The following BABAM2 variants were observed in gnomAD, a reference collection of about 807,000 sequenced individuals.
BABAM2 encodes BRISC and BRCA1 A complex member 2, also known as BRISC and BRCA1-A complex member 2.
A neutral mutation model predicts 54.7 loss-of-function variants in BABAM2; 31 were observed. The ratio of observed to expected loss-of-function variants is 0.57; its 90% CI spans 0.43 to 0.77. BABAM2 has a LOEUF of 0.77. Ranked by LOEUF, BABAM2 falls within the 30% of genes least tolerant of loss-of-function variation. BABAM2 has a pLI of 0.00. For synonymous variants in BABAM2, 167 were observed against 162.9 expected (o/e 1.03, Z -0.19); for missense variants, 364 against 455.8 (o/e 0.80, Z 1.83).
At chr2:27,977,767 T>C (rs535562790) in intron 3 of BABAM2, among the ~76,000 whole-genome samples, 6 of 151,966 alleles carry the variant, frequency 3.9e-5, no homozygotes, top group Non-Finnish European at 8.8e-5. Context: ...ATGAAGGAAA[T>C]TGAAACAAGT....
chr2:28,171,893 G>A (rs1282251628), intron 7 of BABAM2, among the ~76,000 whole-genome samples: 2 of 152,072 alleles, frequency 1.3e-5, no homozygotes, highest in Non-Finnish European at 2.9e-5. Context: ...CTTCCCCTCA[G>A]CTTAGAAGCA....
intron 11 of BABAM2, among the ~76,000 whole-genome samples, chr2:28,315,760 A>G (rs1689503049): frequency 6.6e-6 from 1 of 151,888 alleles, no homozygotes; most frequent in Non-Finnish European, 1.5e-5. Context: ...CACAAAGTGC[A>G]GGGATTACAG....
At chr2:28,234,564 C>T (rs138257274) in intron 7 of BABAM2, among the ~76,000 whole-genome samples, 1 of 152,302 alleles carries the variant, frequency 6.6e-6, no homozygotes, top group Non-Finnish European at 1.5e-5. Context: ...AAGCCTATTA[C>T]TGTCAACTCC....
intron 6 of BABAM2, among the ~76,000 whole-genome samples, chr2:28,096,267 A>G (rs3863): frequency 0.31 from 47,663 of 151,936 alleles, 7,873 homozygotes; most frequent in South Asian, 0.52. Context: ...CCATTGTTTT[A>G]AAAAGTGAAT....
chr2:28,226,571 G>A (rs1680909116), intron 7 of BABAM2, among the ~76,000 whole-genome samples: 1 of 152,136 alleles, frequency 6.6e-6, no homozygotes, highest in African/African-American at 2.4e-5. Context: ...CGTGTAGAAT[G>A]TCTTATGCCA....
intron 4 of BABAM2, among the ~76,000 whole-genome samples, chr2:27,990,055 C>T (rs1672670822): frequency 6.6e-6 from 1 of 152,020 alleles, no homozygotes; most frequent in East Asian, 1.9e-4. Context: ...AAAAGAATAG[C>T]CGAAAAAATC....
At position 27,933,764 on chromosome 2, in the gene BABAM2, G is replaced by GTT. The variant is rs59022185; in HGVS notation, c.205+3878_205+3879dup. ...AGGCGTGAGCCACTATGCCTGGCTTGTTTTTTTTTTTTTTTTTTTTTTTGA... is the reference window on the plus strand; with the variant it reads ...AGGCGTGAGCCACTATGCCTGGCTTGTTTTTTTTTTTTTTTTTTTTTTTTTGA... On this transcript the variant is annotated intron_variant, in intron 3 of 11. Coordinates refer to ENST00000379624, the MANE Select transcript of BABAM2 (RefSeq NM_199191.3). Among the ~76,000 whole-genome samples, 982 of 110,562 alleles carry GTT rather than the reference G, an allele frequency of 8.9e-3. 3 individuals carry two copies. The highest frequency in any genetic ancestry group is 0.011 in the African/African-American group (308 of 27,052). The allele number at this position is 110,562 out of a possible 152,430, so 72.5% of individuals were successfully genotyped here. A position where few individuals can be genotyped will look rare whatever the true frequency, so the allele number is the denominator to read the frequency against.
At chr2:27,922,414 G>A (rs1263917743) in intron 2 of BABAM2, among the ~76,000 whole-genome samples, 3 of 152,180 alleles carry the variant, frequency 2.0e-5, no homozygotes, top group African/African-American at 4.8e-5. Context: ...GAGAATGTGC[G>A]AAGGTTCTTA....
intron 3 of BABAM2, among the ~76,000 whole-genome samples, chr2:27,944,506 C>G (rs1669151426): frequency 6.6e-6 from 1 of 152,106 alleles, no homozygotes; most frequent in African/African-American, 2.4e-5. Context: ...GGTATATGGC[C>G]TCTTTCAGTC....
chr2:28,256,008 A>T (rs1683943928), intron 10 of BABAM2, among the ~76,000 whole-genome samples: 2 of 152,092 alleles, frequency 1.3e-5, no homozygotes, highest in Admixed American at 1.3e-4. Flanking sequence ...TGTGCCAAAG[A>T]TTCCTTTGGT....
chr2:27,988,470 T>C (rs1672557955), intron 4 of BABAM2, among the ~76,000 whole-genome samples: 1 of 152,206 alleles, frequency 6.6e-6, no homozygotes, highest in South Asian at 2.1e-4. Flanking sequence ...TTCTTGGCTC[T>C]TCAAGGAGCC....
chr2:28,151,966 A>G (rs1672093292), intron 7 of BABAM2, among the ~76,000 whole-genome samples: 1 of 152,166 alleles, frequency 6.6e-6, no homozygotes, highest in Non-Finnish European at 1.5e-5. Context: ...TGACAACTGG[A>G]TTATTTACAT....
intron 7 of BABAM2, among the ~76,000 whole-genome samples, chr2:28,156,714 A>G (rs1046152607): frequency 6.6e-6 from 1 of 152,176 alleles, no homozygotes; most frequent in African/African-American, 2.4e-5. Flanking sequence ...TCTACTCTCA[A>G]TGAAGCAGAC....
chr2:27,970,167 T>G (rs1054533135), intron 3 of BABAM2, among the ~76,000 whole-genome samples: 1 of 152,216 alleles, frequency 6.6e-6, no homozygotes, highest in African/African-American at 2.4e-5. Flanking sequence ...TAGAGTTTTA[T>G]TGTCTAATTC....
At chr2:28,101,652 G>A (rs1427979060) in intron 6 of BABAM2, among the ~76,000 whole-genome samples, 1 of 152,112 alleles carries the variant, frequency 6.6e-6, no homozygotes, top group Non-Finnish European at 1.5e-5. Flanking sequence ...CCATACAGTT[G>A]TGTTGATTTT....
upstream of BABAM2, chr2:27,890,511 T>G: frequency 1.6e-6 from 1 of 619,276 alleles, no homozygotes. The surrounding 1 kb of genome is among the most constrained non-coding windows in gnomAD (Gnocchi z 4.8). Flanking sequence ...AAGTGTCCCC[T>G]CTTCTTCCTG....
chr2:28,129,211 G>A lies in BABAM2; in HGVS notation c.571-60G>A. ...TTCAATGCCAGTGGACTGTGAGCTT[G>A]ACACTAATAAGATGTTAGGAGAACA... On this transcript the variant is annotated intron_variant, in intron 6 of 11. Coordinates refer to ENST00000379624, the MANE Select transcript of BABAM2 (RefSeq NM_199191.3). 3 of 1,463,778 alleles carry A rather than the reference G, an allele frequency of 2.0e-6. No individual in the cohort carries two copies. In the South Asian group the frequency reaches 3.4e-5, roughly 17 times the overall value. The allele number at this position is 1,463,778 out of a possible 1,614,324, so 90.7% of individuals were successfully genotyped here. A position where few individuals can be genotyped will look rare whatever the true frequency, so the allele number is the denominator to read the frequency against.
At chr2:28,286,952 G>T (rs1686871734) in intron 10 of BABAM2, among the ~76,000 whole-genome samples, 1 of 152,060 alleles carries the variant, frequency 6.6e-6, no homozygotes, top group Non-Finnish European at 1.5e-5. Flanking sequence ...AAAAAAGTTA[G>T]ATTCATTTGA....
intron 7 of BABAM2, among the ~76,000 whole-genome samples, chr2:28,176,596 A>AAAAAAAAAAAAAAAAAAAAAAAAAAAT (rs1248054622): frequency 6.9e-6 from 1 of 145,934 alleles, no homozygotes. Flanking sequence ...AAAAAAAAAA[A>AAAAAAAAAAAAAAAAAAAAAAAAAAAT]CCTCACTGAG....
Sources: allele counts gnomAD v4.1 joint callset (sites outside exome capture counted in the v4.1 genomes callset), GRCh38; gene constraint gnomAD v4.1.1; non-coding constraint Gnocchi (gnomAD v3.1); transcripts MANE v1.5; gene names NCBI Gene and HGNC (gene_info 2026-07-23, HGNC 2026-07-21).